The following COL5A1 variants were observed in gnomAD, a reference collection of about 807,000 sequenced individuals.
COL5A1 encodes the protein collagen type V alpha 1 chain, also known as collagen alpha-1(V) chain.
COL5A1 carries 16 observed loss-of-function variants against 263.7 expected under a neutral mutation model. The ratio of observed to expected loss-of-function variants is 0.06; its 90% CI spans 0.04 to 0.09. COL5A1 has a LOEUF of 0.09. Among genes scored for constraint, COL5A1 ranks in the 10% least tolerant of loss-of-function variants. COL5A1 has a pLI of 1.00. For synonymous variants in COL5A1, 1,012 were observed against 1,004.5 expected (o/e 1.01, Z -0.14); for missense variants, 2,036 against 2,540.5 (o/e 0.80, Z 4.27).
In COL5A1 at chr9:134,744,979, G is replaced by A. The variant is rs1361146545; in HGVS notation, c.1495-5563G>A. On this transcript the variant is annotated intron_variant, in intron 11 of 65. Transcript: ENST00000371817. ...CGCTGTCTGGGTTCACCTCCACACG[G>A]CCCTTCCATGGAGGCTGGTCTGCAG... Among the ~76,000 whole-genome samples the A allele has an allele frequency of 3.3e-5, 5 of 152,246 alleles. No homozygotes were observed. In the South Asian group the frequency reaches 6.2e-4, roughly 19 times the overall value.
At chr9:134,683,165 C>T (rs760620860) in intron 1 of COL5A1, among the ~76,000 whole-genome samples, 17 of 152,134 alleles carry the variant, frequency 1.1e-4, no homozygotes, top group Non-Finnish European at 1.3e-4. Context: ...AAAAGTAGAA[C>T]GGCTGTAAGG....
intron 35 of COL5A1, 56 bp downstream of exon 35, chr9:134,796,474 C>T: frequency 6.4e-7 from 1 of 1,570,652 alleles, no homozygotes; most frequent in Admixed American, 1.7e-5. Flanking sequence ...CCTCGAATGC[C>T]CCCTGCACTT....
rs1189439826 is a variant in COL5A1, at chr9:134,754,464, C to T, written c.1827+138C>T. The T allele has an allele frequency of 2.0e-6, 2 of 985,082 alleles. No homozygotes were observed. The allele number at this position is 985,082 out of a possible 1,614,324, so 61.0% of individuals were successfully genotyped here. A position where few individuals can be genotyped will look rare whatever the true frequency, so the allele number is the denominator to read the frequency against. On this transcript the variant is annotated intron_variant, in intron 16 of 65. Transcript: ENST00000371817. This position sits in a 1 kb window ranked among gnomAD's most constrained non-coding sequence, Gnocchi z 4.3. ...CTCCCCTTCTTGTGATGGGTGCGTC[C>T]ATCCCCAAGGCTGCCTCTGAGCCAG...
chr9:134,660,004 C>T (rs1057258220), intron 1 of COL5A1, among the ~76,000 whole-genome samples: 2 of 152,122 alleles, frequency 1.3e-5, no homozygotes, highest in Non-Finnish European at 2.9e-5. Context: ...GCAGATAAGG[C>T]GCAGGCGGGC....
chr9:134,806,938 G>C lies in COL5A1; in HGVS notation c.3366+642G>C, dbSNP rs554085293. Among the ~76,000 whole-genome samples the C allele has an allele frequency of 4.6e-5, 7 of 152,262 alleles. No homozygotes were observed. In the South Asian group the frequency reaches 1.5e-3, roughly 32 times the overall value. ...AATTTTGCAGGCTTTGTGAAGCCTC[G>C]GGAGTGGGGAGGAGCATGTCTTGAG... On this transcript the variant is annotated intron_variant, in intron 42 of 65. Transcript: ENST00000371817.
chr9:134,814,188 G>A, intron 49 of COL5A1, 152 bp downstream of exon 49: 1 of 797,842 alleles, frequency 1.3e-6, no homozygotes, highest in Non-Finnish European at 2.0e-6. Context: ...GAATGACCGT[G>A]AACAAGGTGT....
chr9:134,662,015 C>A (rs1488298417), intron 1 of COL5A1, among the ~76,000 whole-genome samples: 3 of 152,114 alleles, frequency 2.0e-5, no homozygotes, highest in South Asian at 4.1e-4. Flanking sequence ...GGGAACCTGA[C>A]TCTGTGCCTG....
Position 134,757,916 on chromosome 9 carries a change from G to A in COL5A1, c.1882-327G>A, listed in dbSNP as rs1234010204. Among the ~76,000 whole-genome samples the A allele has an allele frequency of 6.6e-6, 1 of 152,160 alleles. No homozygotes were observed. Among genetic ancestry groups the A allele is most frequent in the African/African-American group, 2.4e-5 (1 of 41,450 alleles). On this transcript the variant is annotated intron_variant, in intron 17 of 65. Transcript: ENST00000371817. This position sits in a 1 kb window ranked among gnomAD's most constrained non-coding sequence, Gnocchi z 6.2. ...CTCCTGGAGCCTCCCTGGGGTGGGG[G>A]AGATCAGCAGCAGACACTCACACAC...
At chr9:134,744,839 A>G (rs1308406795) in intron 11 of COL5A1, among the ~76,000 whole-genome samples, 1 of 151,070 alleles carries the variant, frequency 6.6e-6, no homozygotes, top group East Asian at 1.9e-4. Flanking sequence ...ATGCACACTC[A>G]TCCATACACA....
chr9:134,729,062 C>T (rs1324467130), intron 6 of COL5A1, among the ~76,000 whole-genome samples: 2 of 152,198 alleles, frequency 1.3e-5, no homozygotes, highest in African/African-American at 4.8e-5. Flanking sequence ...ATCTCTGGGC[C>T]CTGGCCCCGG....
intron 2 of COL5A1, among the ~76,000 whole-genome samples, chr9:134,694,357 G>C (rs2132557338): frequency 6.6e-6 from 1 of 152,358 alleles, no homozygotes; most frequent in East Asian, 1.9e-4. Flanking sequence ...GGCACCACCT[G>C]GTCCTGTATC....
rs1339376885 is a variant in COL5A1, at chr9:134,677,815, G to A, written c.110-13097G>A. 6.6e-6 allele frequency among the ~76,000 whole-genome samples: 1 copy of A among 152,224 alleles called. No individual in the cohort carries two copies. The highest frequency in any genetic ancestry group is 1.5e-5 in the Non-Finnish European group (1 of 68,042). ...TGTGTGGTTGAGACAGTGGATGCGG[G>A]AGGACTGTGAATAGGCTGCTTTCTC... On this transcript the variant is annotated intron_variant, in intron 1 of 65. Coordinates refer to ENST00000371817, the MANE Select transcript of COL5A1 (RefSeq NM_000093.5). This position sits in a 1 kb window ranked among gnomAD's most constrained non-coding sequence, Gnocchi z 4.4.
In COL5A1 at chr9:134,642,216, G is replaced by A. The variant is rs1367541732; in HGVS notation, c.29G>A (p.Arg10His). The A allele has an allele frequency of 1.5e-5, 19 of 1,303,468 alleles. No homozygotes were observed. The highest frequency in any genetic ancestry group is 2.3e-5 in the South Asian group (1 of 43,652). The allele number at this position is 1,303,468 out of a possible 1,614,324, so 80.7% of individuals were successfully genotyped here. Residue 10 changes from arginine (R) to histidine (H), a missense_variant, in exon 1 of 66, where the codon CGC becomes CAC. Coordinates refer to ENST00000371817, the MANE Select transcript of COL5A1 (RefSeq NM_000093.5). The surrounding 1 kb of genome is among the most constrained non-coding windows in gnomAD (Gnocchi z 4.5). MDVHTRWKA[R>H]SALRPGAPLL... Reference sequence around the variant, plus strand: ...GACGTCCATACCCGCTGGAAAGCGCGCAGCGCGCTCCGCCCGGGCGCCCCG... The same window carrying A: ...GACGTCCATACCCGCTGGAAAGCGCACAGCGCGCTCCGCCCGGGCGCCCCG...
intron 57 of COL5A1, among the ~76,000 whole-genome samples, chr9:134,819,352 G>A (rs1456344949): frequency 6.6e-6 from 1 of 152,256 alleles, no homozygotes; most frequent in African/African-American, 2.4e-5. Context: ...AGGATCCCAG[G>A]TTGCTGCTCT....
At chr9:134,801,426 C>T (rs111612394) in intron 37 of COL5A1, among the ~76,000 whole-genome samples, 4,906 of 152,326 alleles carry the variant, frequency 0.032, 106 homozygotes, top group South Asian at 0.07. Flanking sequence ...AAAGGCGAAT[C>T]GCGTCGGCCT....
chr9:134,810,389 C>T (rs888687986), intron 44 of COL5A1, 81 bp downstream of exon 44: 22 of 1,355,980 alleles, frequency 1.6e-5, no homozygotes, highest in South Asian at 7.2e-5. Context: ...GTGCCATGCA[C>T]GTTCTCTTCC....
chr9:134,817,107 C>T (rs1276691596), intron 53 of COL5A1, 28 bp downstream of exon 53: 1 of 1,605,244 alleles, frequency 6.2e-7, no homozygotes, highest in East Asian at 2.2e-5. Context: ...CACATCCTTG[C>T]TGTCAAATCC....
chr9:134,782,718 C>T lies in COL5A1; in HGVS notation c.2482C>T (p.Arg828Trp), dbSNP rs185912761. 85 of 1,552,716 alleles carry T rather than the reference C, an allele frequency of 5.5e-5. No homozygotes were observed. The Admixed American group carries it at 8.5e-4, about 16-fold the overall frequency. ...AGGAGACATGGGCATCAAGGGTGATCGGGTGAGCATCTCAGGTTTGGGATT... is the reference window on the plus strand; with the variant it reads ...AGGAGACATGGGCATCAAGGGTGATTGGGTGAGCATCTCAGGTTTGGGATT... ...FKGDMGIKGD[R>W]GEIGPPGPRG... Residue 828 changes from arginine (R) to tryptophan (W), a missense_variant and splice_region_variant, in exon 29 of 66, where the codon CGG becomes TGG. Physicochemically the swap from Arg to Trp is moderately radical, Grantham distance 101. Around this residue, in one of 3 missense-constraint regions of COL5A1, gnomAD observed 1,078 missense variants for 1,521.4 expected, o/e 0.71. Coordinates refer to ENST00000371817, the MANE Select transcript of COL5A1 (RefSeq NM_000093.5).
chr9:134,764,509 C>A lies in COL5A1; in HGVS notation c.2034+772C>A, dbSNP rs766511500. ...ATTCCTCCAGCAGACTCTGCCCCAGCCCTGGGCATGGGAAAGCTCTTCCCT... is the reference window on the plus strand; with the variant it reads ...ATTCCTCCAGCAGACTCTGCCCCAGACCTGGGCATGGGAAAGCTCTTCCCT... On this transcript the variant is annotated intron_variant, in intron 20 of 65. Coordinates refer to ENST00000371817, the MANE Select transcript of COL5A1 (RefSeq NM_000093.5). 2.0e-5 allele frequency among the ~76,000 whole-genome samples: 3 copies of A among 152,046 alleles called. No homozygotes were observed. In the South Asian group the frequency reaches 6.2e-4, roughly 32 times the overall value.
Sources: allele counts gnomAD v4.1 joint callset (sites outside exome capture counted in the v4.1 genomes callset), GRCh38; gene constraint gnomAD v4.1.1; regional missense constraint gnomAD v4.1.1; non-coding constraint Gnocchi (gnomAD v3.1); transcripts MANE v1.5; gene names NCBI Gene and HGNC (gene_info 2026-07-23, HGNC 2026-07-21).